SYT7: variants seen among roughly 807,000 people sequenced by gnomAD.
SYT7 encodes synaptotagmin 7, also known as synaptotagmin-7.
Under a neutral mutation model 75.1 loss-of-function variants are expected in SYT7, and 29 were observed. The observed-to-expected ratio is 0.39, with a 90% confidence interval of 0.29 to 0.53. The LOEUF is 0.53. Among genes scored for constraint, SYT7 ranks in the 20% least tolerant of loss-of-function variants. SYT7 has a pLI of 0.77. For synonymous variants in SYT7, 376 were observed against 401.7 expected, an observed-to-expected ratio of 0.94 and a Z score of 0.76; for missense variants, 693 against 953.2, an observed-to-expected ratio of 0.73 and a Z score of 3.59.
chr11:61,583,107 G>T (rs574522245), upstream of SYT7, among the ~76,000 whole-genome samples: 1 of 152,040 alleles, frequency 6.6e-6, no homozygotes, highest in African/African-American at 2.4e-5. Flanking sequence ...CGCCCCTGGG[G>T]TCTCAGCTAC....
intron 8 of SYT7, among the ~76,000 whole-genome samples, chr11:61,531,338 G>T (rs1302250319): frequency 1.3e-5 from 2 of 152,188 alleles, no homozygotes; most frequent in Non-Finnish European, 2.9e-5. Flanking sequence ...GGAAGGGGCT[G>T]TCCCTTCTGG....
At position 61,547,268 on chromosome 11, in the gene SYT7, C is replaced by T. The variant is rs1239247514; in HGVS notation, c.256G>A (p.Val86Met). 1 of 1,535,838 alleles carries T rather than the reference C, an allele frequency of 6.5e-7. No individual in the cohort carries two copies. The highest frequency in any genetic ancestry group is 2.0e-5 in the Admixed American group (1 of 50,998). ...GGGTAGGAGCTCCATTTCTGCTGCA[C>T]TGTGCTCTCATTGTTATTCCAAAAG... is the stretch of plus-strand genomic sequence containing the variant. ...RDFWNNNEST[V>M]QQKWSSYPPK... Residue 86 changes from valine (V) to methionine (M), a missense_variant, in exon 4 of 13, where the codon GTG (valine) becomes ATG (methionine). Val to Met is a conservative substitution (Grantham distance 21). Transcript: ENST00000539008.
chr11:61,536,993 G>A (rs986181982), intron 7 of SYT7, among the ~76,000 whole-genome samples: 2 of 152,224 alleles, frequency 1.3e-5, no homozygotes, highest in Admixed American at 1.3e-4. Context: ...ATTCCTTAGA[G>A]GTTAGCCTGT....
chr11:61,566,271 C>CCCTCA (rs561809036), intron 1 of SYT7, among the ~76,000 whole-genome samples: 96 of 152,196 alleles, frequency 6.3e-4, no homozygotes, highest in African/African-American at 2.1e-3. Context: ...CTCAGTGACC[C>CCCTCA]CCTCACCTCA....
Position 61,524,583 on chromosome 11 carries a change from G to A in SYT7, c.1472-51C>T. 6.6e-7 allele frequency: 1 copy of A among 1,512,348 alleles called. No individual in the cohort carries two copies. The highest frequency in any genetic ancestry group is 8.9e-7 in the Non-Finnish European group (1 of 1,126,704). The allele number at this position is 1,512,348 out of a possible 1,614,324, so 93.7% of individuals were successfully genotyped here. On this transcript the variant is annotated intron_variant, in intron 9 of 12. Coordinates refer to ENST00000539008, the MANE Select transcript of SYT7 (RefSeq NM_001365809.2). The surrounding 1 kb of genome is among the most constrained non-coding windows in gnomAD (Gnocchi z 4.1). Reference sequence around the variant, plus strand: ...AAGAGGGGGACAGAGGGGCTGCACGGGGCCCGGGAGGCAAGGAAGGCCCTG... The same window carrying A: ...AAGAGGGGGACAGAGGGGCTGCACGAGGCCCGGGAGGCAAGGAAGGCCCTG...
the SYT7 span, among the ~76,000 whole-genome samples, chr11:61,587,249 G>A: frequency 6.6e-6 from 1 of 152,178 alleles, no homozygotes; most frequent in Non-Finnish European, 1.5e-5. Context: ...CCCCAGACCC[G>A]AGCCCAGCTG....
At chr11:61,585,067 G>A (rs111723679), upstream of SYT7, among the ~76,000 whole-genome samples, 485 of 152,124 alleles carry the variant, frequency 3.2e-3, 5 homozygotes, top group African/African-American at 0.011. Flanking sequence ...GTCCTGGGTC[G>A]GCTTCAGGGA....
upstream of SYT7, among the ~76,000 whole-genome samples, chr11:61,583,025 G>A (rs571483565): frequency 6.6e-6 from 1 of 152,016 alleles, no homozygotes; most frequent in Non-Finnish European, 1.5e-5. Flanking sequence ...CCCAGGAGTT[G>A]AGACCAGCCT....
chr11:61,547,446 G>A (rs1026191316), intron 3 of SYT7, 138 bp from the exon 4 acceptor site: 14 of 1,003,216 alleles, frequency 1.4e-5, no homozygotes, highest in Middle Eastern at 3.1e-4. Context: ...CAGCTCCTGC[G>A]GGAGGAAGAA....
intron 6 of SYT7, chr11:61,539,436 C>T (rs922211238): frequency 2.0e-5 from 3 of 152,080 alleles, no homozygotes; most frequent in African/African-American, 4.8e-5. Flanking sequence ...TCAGAGTCCG[C>T]GAGCGTTTTC....
At position 61,516,435 on chromosome 11, in the gene SYT7, A is replaced by G. The variant is rs1322179654; in HGVS notation, c.*2192T>C. The G allele has an allele frequency of 2.0e-5, 3 of 152,074 alleles. No individual in the cohort carries two copies. The highest frequency in any genetic ancestry group is 4.4e-5 in the Non-Finnish European group (3 of 68,044). 9.4% of individuals were successfully genotyped at this position (152,074 alleles called of 1,614,324 possible). On this transcript the variant is annotated 3_prime_UTR_variant, in exon 13 of 13. Transcript: ENST00000539008. The surrounding 1 kb of genome is among the most constrained non-coding windows in gnomAD (Gnocchi z 4.6). ...GGGGAGCCGTTGCCCCGCCCACTCGATACAAGTTGGTTGGATCCCCAGGGC... is the reference window on the plus strand; with the variant it reads ...GGGGAGCCGTTGCCCCGCCCACTCGGTACAAGTTGGTTGGATCCCCAGGGC...
intron 1 of SYT7, among the ~76,000 whole-genome samples, chr11:61,573,198 G>A (rs1056359383): frequency 6.6e-6 from 1 of 152,172 alleles, no homozygotes; most frequent in African/African-American, 2.4e-5. Context: ...GCCTGGGGGG[G>A]TTATGTGGGT....
chr11:61,574,564 C>G (rs2064015064), intron 1 of SYT7, among the ~76,000 whole-genome samples: 1 of 152,010 alleles, frequency 6.6e-6, no homozygotes, highest in Admixed American at 6.5e-5. Context: ...GCACAAAACC[C>G]CCATTCCTGG....
intron 7 of SYT7, among the ~76,000 whole-genome samples, chr11:61,536,630 G>C (rs7943872): frequency 0.053 from 8,029 of 152,278 alleles, 649 homozygotes; most frequent in African/African-American, 0.18. Context: ...GCGCCTGACA[G>C]CATTTGTGCC....
rs1161854240 is a variant in SYT7, at chr11:61,524,253, C to T, written c.1641+110G>A. ...GCTCCATCGGGTCCACCCATCTGCA[C>T]CCTCTCCCACAGCCCTCCTGGCCTT... On this transcript the variant is annotated intron_variant, in intron 10 of 12. Coordinates refer to ENST00000539008, the MANE Select transcript of SYT7 (RefSeq NM_001365809.2). This position sits in a 1 kb window ranked among gnomAD's most constrained non-coding sequence, Gnocchi z 4.1. The T allele has an allele frequency of 1.5e-6, 2 of 1,366,784 alleles. No individual in the cohort carries two copies. The highest frequency in any genetic ancestry group is 1.4e-5 in the African/African-American group (1 of 68,990). 84.7% of individuals were successfully genotyped at this position (1,366,784 alleles called of 1,614,324 possible). A position where few individuals can be genotyped will look rare whatever the true frequency, so the allele number is the denominator to read the frequency against.
intron 7 of SYT7, among the ~76,000 whole-genome samples, chr11:61,534,447 A>ACACG (rs1333637454): frequency 6.8e-6 from 1 of 147,340 alleles, no homozygotes; most frequent in Non-Finnish European, 1.5e-5. Flanking sequence ...ACACGCACGC[A>ACACG]CACACGCACG....
intron 1 of SYT7, among the ~76,000 whole-genome samples, chr11:61,577,211 C>T (rs1012423344): frequency 1.3e-5 from 2 of 152,194 alleles, no homozygotes; most frequent in Non-Finnish European, 2.9e-5. Flanking sequence ...TGGCCCATGC[C>T]CCATTGAAAT....
At chr11:61,557,054 C>T (rs2063518201) in intron 1 of SYT7, among the ~76,000 whole-genome samples, 1 of 152,208 alleles carries the variant, frequency 6.6e-6, no homozygotes, top group Non-Finnish European at 1.5e-5. Context: ...GGCTGTGTGG[C>T]TTCTGCCAGT....
At chr11:61,545,972 A>G (rs1054824902) in intron 5 of SYT7, 59 bp downstream of exon 5, 30 of 1,468,904 alleles carry the variant, frequency 2.0e-5, no homozygotes, top group Non-Finnish European at 2.7e-5. Context: ...CCCGCTGTCC[A>G]CCCTGGCAGG....
Sources: allele counts gnomAD v4.1 joint callset (sites outside exome capture counted in the v4.1 genomes callset), GRCh38; gene constraint gnomAD v4.1.1; non-coding constraint Gnocchi (gnomAD v3.1); transcripts MANE v1.5; gene names NCBI Gene and HGNC (gene_info 2026-07-23, HGNC 2026-07-21).